The following STRIP2 variants were observed in gnomAD, a reference collection of about 807,000 sequenced individuals.
The protein encoded by STRIP2 is striatin interacting protein 2, also known as striatin-interacting protein 2.
Under a neutral mutation model 107.1 loss-of-function variants are expected in STRIP2, and 84 were observed. That is an observed-to-expected ratio of 0.78 (90% confidence interval 0.66 to 0.94). The LOEUF is 0.94. Ranked by LOEUF, STRIP2 falls within the 40% of genes least tolerant of loss-of-function variation. The pLI is 0.00. For synonymous variants in STRIP2, 394 were observed against 400.4 expected (o/e 0.98, Z 0.19); for missense variants, 888 against 1,034.2 (o/e 0.86, Z 1.94).
chr7:129,480,981 T>C, intron 19 of STRIP2, 92 bp downstream of exon 19: 1 of 910,374 alleles, frequency 1.1e-6, no homozygotes, highest in Non-Finnish European at 1.7e-6. Flanking sequence ...TGGTTTGTGA[T>C]CTCCGTATAT....
intron 16 of STRIP2, among the ~76,000 whole-genome samples, chr7:129,466,205 G>A (rs1299236285): frequency 1.3e-5 from 2 of 150,826 alleles, no homozygotes; most frequent in Non-Finnish European, 3.0e-5. Flanking sequence ...ATGCCAGTGT[G>A]TCAGTGAATC....
chr7:129,472,841 C>CAGTG (rs1239355475), intron 18 of STRIP2, among the ~76,000 whole-genome samples: 3 of 115,002 alleles, frequency 2.6e-5, no homozygotes, highest in African/African-American at 1.0e-4. Context: ...GGCTGGAATG[C>CAGTG]AGTGGTGTGA....
chr7:129,467,226 A>G (rs1798691026), intron 16 of STRIP2, 124 bp from the exon 17 acceptor site: 3 of 701,752 alleles, frequency 4.3e-6, no homozygotes. Context: ...AAGACTGATA[A>G]CACAAGTGGA....
chr7:129,439,455 G>A (rs1213894637), intron 1 of STRIP2, among the ~76,000 whole-genome samples: 5 of 152,152 alleles, frequency 3.3e-5, no homozygotes, highest in Non-Finnish European at 7.3e-5. Context: ...TATTTACTAG[G>A]ATTATAAATT....
At chr7:129,440,907 CT>C (rs757524528) in intron 2 of STRIP2, among the ~76,000 whole-genome samples, 3 of 152,218 alleles carry the variant, frequency 2.0e-5, no homozygotes, top group East Asian at 3.9e-4. Flanking sequence ...TAAAGACGTT[CT>C]TGTGCATGAG....
At chr7:129,440,157 T>G in intron 2 of STRIP2, 66 bp downstream of exon 2, 1 of 1,383,644 alleles carries the variant, frequency 7.2e-7, no homozygotes, top group Non-Finnish European at 1.0e-6. Context: ...GGGCCTGTGA[T>G]CTCCCTGGAA....
chr7:129,486,618 A>G lies in STRIP2; in HGVS notation c.*789A>G, dbSNP rs1799248399. ...GTCTTCAAATGGCTGAGCATACTGC[A>G]GAAAATTATCCTTTTCATCTAATTC... On this transcript the variant is annotated 3_prime_UTR_variant, in exon 21 of 21. Coordinates refer to ENST00000249344, the MANE Select transcript of STRIP2 (RefSeq NM_020704.3). 1 of 152,242 alleles carries G rather than the reference A, an allele frequency of 6.6e-6. No homozygotes were observed. The highest frequency in any genetic ancestry group is 1.5e-5 in the Non-Finnish European group (1 of 68,042). 9.4% of individuals were successfully genotyped at this position (152,242 alleles called of 1,614,324 possible).
intron 6 of STRIP2, 80 bp from the exon 7 acceptor site, chr7:129,454,341 C>A: frequency 6.8e-7 from 1 of 1,462,798 alleles, no homozygotes; most frequent in East Asian, 2.3e-5. Context: ...TTGGGCTTCC[C>A]ACAGAGACCA....
At chr7:129,452,590 T>G (rs954850881) in intron 4 of STRIP2, among the ~76,000 whole-genome samples, 2 of 152,218 alleles carry the variant, frequency 1.3e-5, no homozygotes, top group Non-Finnish European at 2.9e-5. Context: ...TCTCACTGTG[T>G]TTCCCTGGCT....
At position 129,462,966 on chromosome 7, in the gene STRIP2, G is replaced by T. The variant is rs1279476324; in HGVS notation, c.1477G>T (p.Gly493Trp). 6.2e-7 allele frequency: 1 copy of T among 1,613,668 alleles called. No individual in the cohort carries two copies. Among genetic ancestry groups the T allele is most frequent in the Non-Finnish European group, 8.5e-7 (1 of 1,179,796 alleles). ...EELEKCPMSLGEEVVPETPCE... is the reference protein window; with the variant it reads ...EELEKCPMSLWEEVVPETPCE... ...CCAAACCATGTATTTCTTGCCATAG[G>T]GGGAAGAGGTGGTACCAGAGACGCC... Residue 493 changes from glycine to tryptophan, a missense_variant and splice_region_variant, in exon 14 of 21, where the codon GGG (glycine) becomes TGG (tryptophan). Physicochemically the swap from Gly to Trp is radical, Grantham distance 184. Transcript: ENST00000249344.
At chr7:129,471,649 G>T (rs1157713599) in intron 18 of STRIP2, among the ~76,000 whole-genome samples, 2 of 152,168 alleles carry the variant, frequency 1.3e-5, no homozygotes, top group Non-Finnish European at 2.9e-5. Flanking sequence ...AGAACCATGG[G>T]ATTCTTGGCT....
rs551739516 is a variant in STRIP2 at position 129,459,403 on chromosome 7, T to A, written c.1341-114T>A. The A allele has an allele frequency of 1.0e-3, 891 of 868,368 alleles. 17 individuals are homozygous for A. The South Asian group carries it at 0.012, about 12-fold the overall frequency. 53.8% of individuals were successfully genotyped at this position (868,368 alleles called of 1,614,324 possible). A position where few individuals can be genotyped will look rare whatever the true frequency, so the allele number is the denominator to read the frequency against. On this transcript the variant is annotated intron_variant, in intron 11 of 20. Transcript: ENST00000249344. ...GCTTGCAGAGGAAGGTCTAGGGTACTGGGGGTAGATGTTGTTGAAAGTAGC... is the reference window on the plus strand; with the variant it reads ...GCTTGCAGAGGAAGGTCTAGGGTACAGGGGGTAGATGTTGTTGAAAGTAGC...
In STRIP2 at chr7:129,470,822, C is replaced by A; in HGVS notation, c.1944+107C>A. 2 of 901,562 alleles carry A rather than the reference C, an allele frequency of 2.2e-6. 1 individual carries two copies. The highest frequency in any genetic ancestry group is 3.6e-6 in the Non-Finnish European group (2 of 556,460). 55.8% of individuals were successfully genotyped at this position (901,562 alleles called of 1,614,324 possible). A position where few individuals can be genotyped will look rare whatever the true frequency, so the allele number is the denominator to read the frequency against. ...CCTTAATGCCCTGGTTTGAGAGTCT[C>A]AGATCAATGAAGGTATATTGGCAAG... On this transcript the variant is annotated intron_variant, in intron 18 of 20. Transcript: ENST00000249344.
intron 18 of STRIP2, among the ~76,000 whole-genome samples, chr7:129,479,134 C>T (rs1241580750): frequency 2.0e-5 from 3 of 151,886 alleles, no homozygotes; most frequent in African/African-American, 7.3e-5. Flanking sequence ...ATTAGCTAGG[C>T]GTGGCGGTGC....
intron 1 of STRIP2, among the ~76,000 whole-genome samples, chr7:129,435,568 C>T (rs1380285298): frequency 1.3e-5 from 2 of 152,180 alleles, no homozygotes. Context: ...ACTCCTAGCC[C>T]TATCATTTAC....
intron 16 of STRIP2, 97 bp downstream of exon 16, chr7:129,464,835 A>C: frequency 6.7e-7 from 1 of 1,497,890 alleles, no homozygotes; most frequent in East Asian, 2.3e-5. Context: ...CCTGATGAGC[A>C]TCTTTCAGCC....
Position 129,456,715 on chromosome 7 carries a change from G to A in STRIP2, c.1038+73G>A, listed in dbSNP as rs140448307. On this transcript the variant is annotated intron_variant, in intron 9 of 20. Coordinates refer to ENST00000249344, the MANE Select transcript of STRIP2 (RefSeq NM_020704.3). ...ATCAAGATTCTAAGTTACTCTGGGTGTGGTAGGAAAAAGCAGTAAATGACC... is the reference window on the plus strand; with the variant it reads ...ATCAAGATTCTAAGTTACTCTGGGTATGGTAGGAAAAAGCAGTAAATGACC... 1.1e-3 allele frequency: 1,596 copies of A among 1,412,742 alleles called. 16 individuals carry two copies. The African/African-American group carries it at 0.02, about 18-fold the overall frequency. The allele number at this position is 1,412,742 out of a possible 1,614,324, so 87.5% of individuals were successfully genotyped here.
intron 3 of STRIP2, 103 bp from the exon 4 acceptor site, chr7:129,451,510 T>C: frequency 1.4e-6 from 2 of 1,413,868 alleles, no homozygotes; most frequent in Non-Finnish European, 9.7e-7. Context: ...GAGAAAATAA[T>C]TTTGGCAGGG....
intron 15 of STRIP2, 78 bp from the exon 16 acceptor site, chr7:129,464,534 C>A: frequency 6.6e-7 from 1 of 1,517,438 alleles, no homozygotes; most frequent in Non-Finnish European, 9.0e-7. Context: ...TATATTGTAT[C>A]AGACCCAAAT....
Sources: gnomAD v4.1 joint callset for allele counts (sites outside exome capture counted in the v4.1 genomes callset) on GRCh38, gnomAD v4.1.1 for gene constraint, MANE v1.5 for transcripts, NCBI Gene and HGNC (gene_info 2026-07-23, HGNC 2026-07-21) for gene names.